The following MYO3A variants were observed in gnomAD, a reference collection of about 807,000 sequenced individuals.
MYO3A encodes myosin IIIA, also known as myosin-IIIa.
MYO3A carries 180 observed loss-of-function variants against 192.7 expected under a neutral mutation model. That is an observed-to-expected ratio of 0.93 (90% CI 0.83 to 1.06). The LOEUF (loss-of-function observed/expected upper bound fraction) is 1.06, where lower values mean the gene tolerates loss of function less well. Among genes scored for constraint, MYO3A ranks in the 50% least tolerant of loss-of-function variants. The probability of loss-of-function intolerance (pLI) is 0.00; values close to 1 mark genes in which losing one functional copy is unlikely to be tolerated. For missense variants in MYO3A, 1,896 were observed against 1,905.0 expected, an observed-to-expected ratio of 1.00 and a Z score of 0.09; for synonymous variants, 628 against 645.3, an observed-to-expected ratio of 0.97 and a Z score of 0.41.
rs1480599647 is a variant in MYO3A, at chr10:26,007,330, G to T, written c.509-9490G>T. Among the ~76,000 whole-genome samples, 21 of 150,742 alleles carry T rather than the reference G, an allele frequency of 1.4e-4. No homozygotes were observed. The South Asian group carries it at 4.4e-3, about 32-fold the overall frequency. ...CCTTTGAAAACCGGCACAAGACAGG[G>T]ATGCCCTCTCTCACCACTCCTATTC... On this transcript the variant is annotated intron_variant, in intron 6 of 34. Transcript: ENST00000642920.
chr10:26,201,476 C>T (rs1444678226), intron 33 of MYO3A, among the ~76,000 whole-genome samples, 171 bp downstream of exon 33: 3 of 151,720 alleles, frequency 2.0e-5, no homozygotes, highest in African/African-American at 4.8e-5. Flanking sequence ...GTCAGGAGAT[C>T]GAGACCATCC....
chr10:26,096,287 A>G, intron 15 of MYO3A, 94 bp from the exon 16 acceptor site: 1 of 907,694 alleles, frequency 1.1e-6, no homozygotes, highest in Non-Finnish European at 1.7e-6. Flanking sequence ...CCATATCAGC[A>G]CTCACAGTCG....
At chr10:26,140,625 C>T (rs1840101394) in intron 20 of MYO3A, among the ~76,000 whole-genome samples, 1 of 150,098 alleles carries the variant, frequency 6.7e-6, no homozygotes, top group Admixed American at 6.7e-5. Context: ...GTGGAAGTTG[C>T]AGTGAGCCGA....
intron 15 of MYO3A, among the ~76,000 whole-genome samples, chr10:26,089,738 A>G (rs965055028): frequency 6.6e-6 from 1 of 152,156 alleles, no homozygotes. Context: ...AATTCATTGT[A>G]TGTATGATTT....
At chr10:25,979,921 C>A (rs1329056125) in intron 4 of MYO3A, among the ~76,000 whole-genome samples, 1 of 152,086 alleles carries the variant, frequency 6.6e-6, no homozygotes, top group Non-Finnish European at 1.5e-5. Flanking sequence ...TAAAATCTCC[C>A]CCAGGCAAAA....
chr10:26,060,951 C>T (rs58595215), intron 10 of MYO3A, among the ~76,000 whole-genome samples: 71,542 of 151,290 alleles, frequency 0.47, 17,714 homozygotes, highest in Middle Eastern at 0.59. Context: ...TTTTTTGAGA[C>T]GGAGTCTCAC....
intron 21 of MYO3A, 131 bp downstream of exon 21, chr10:26,143,732 G>A: frequency 6.2e-6 from 7 of 1,126,750 alleles, no homozygotes; most frequent in Non-Finnish European, 9.1e-6. Context: ...TGACTTTAAA[G>A]AAGAGCCTTT....
chr10:26,054,040 C>G (rs371191743), intron 10 of MYO3A, among the ~76,000 whole-genome samples: 5 of 151,906 alleles, frequency 3.3e-5, no homozygotes, highest in African/African-American at 1.2e-4. Context: ...CAAGAGGGAT[C>G]GAGAAAGCTA....
In MYO3A at chr10:26,212,156, C is replaced by A; in HGVS notation, c.*193C>A. ...TGCTCCGAAACAAGAGACCTGGGAG[C>A]CCTCGGGAAACCTCCCCCGACGCTC... On this transcript the variant is annotated 3_prime_UTR_variant, in exon 35 of 35. Transcript: ENST00000642920. The A allele has an allele frequency of 1.2e-6, 1 of 828,252 alleles. No homozygotes were observed. The highest frequency in any genetic ancestry group is 1.8e-6 in the Non-Finnish European group (1 of 560,342). 51.3% of individuals were successfully genotyped at this position (828,252 alleles called of 1,614,324 possible). A position where few individuals can be genotyped will look rare whatever the true frequency, so the allele number is the denominator to read the frequency against.
chr10:26,113,712 C>T (rs1391634609), intron 17 of MYO3A, among the ~76,000 whole-genome samples: 1 of 152,112 alleles, frequency 6.6e-6, no homozygotes, highest in Non-Finnish European at 1.5e-5. Flanking sequence ...TAATTCTGTG[C>T]TAGGGAGTCA....
At chr10:25,962,851 A>G (rs939944837) in intron 4 of MYO3A, among the ~76,000 whole-genome samples, 1 of 152,198 alleles carries the variant, frequency 6.6e-6, no homozygotes, top group Non-Finnish European at 1.5e-5. Flanking sequence ...CACAAAGGGG[A>G]GAACTGAGAT....
At chr10:25,951,177 G>T (rs756281721) in intron 2 of MYO3A, among the ~76,000 whole-genome samples, 1 of 152,058 alleles carries the variant, frequency 6.6e-6, no homozygotes. Flanking sequence ...CACAATAACG[G>T]TACCAGTGGT....
chr10:25,956,602 C>CT (rs1417006291), intron 4 of MYO3A, among the ~76,000 whole-genome samples: 2 of 151,432 alleles, frequency 1.3e-5, no homozygotes, highest in Non-Finnish European at 2.9e-5. Context: ...TCTCGACCTC[C>CT]TAAAGTGCCT....
At chr10:26,078,948 G>T (rs906251342) in intron 14 of MYO3A, among the ~76,000 whole-genome samples, 1 of 152,276 alleles carries the variant, frequency 6.6e-6, no homozygotes, top group Admixed American at 6.5e-5. Context: ...CTATCTTGGA[G>T]AAAGTTCCAT....
chr10:26,012,850 C>T (rs956606913), intron 6 of MYO3A, among the ~76,000 whole-genome samples: 1 of 151,924 alleles, frequency 6.6e-6, no homozygotes, highest in African/African-American at 2.4e-5. Flanking sequence ...AATCAGGAGG[C>T]ATCACATTAC....
intron 8 of MYO3A, among the ~76,000 whole-genome samples, chr10:26,023,671 T>C (rs1012385784): frequency 2.0e-5 from 3 of 152,166 alleles, no homozygotes; most frequent in Non-Finnish European, 4.4e-5. Context: ...AGAGACTTCA[T>C]TGGGACTCAT....
chr10:26,208,878 C>T lies in MYO3A; in HGVS notation c.4731-2965C>T, dbSNP rs147545670. Reference sequence around the variant, plus strand: ...TATATGTCCAATGGCCTTGCCCTCTCTCCTTCAATTATATTCAACTGGCAA... The same window carrying T: ...TATATGTCCAATGGCCTTGCCCTCTTTCCTTCAATTATATTCAACTGGCAA... On this transcript the variant is annotated intron_variant, in intron 34 of 34. Transcript: ENST00000642920. 6.6e-5 allele frequency among the ~76,000 whole-genome samples: 10 copies of T among 152,304 alleles called. No individual in the cohort carries two copies. The Middle Eastern group carries it at 0.014, about 207-fold the overall frequency.
At chr10:26,183,328 T>C (rs1264307504) in intron 31 of MYO3A, among the ~76,000 whole-genome samples, 2 of 152,174 alleles carry the variant, frequency 1.3e-5, no homozygotes, top group Middle Eastern at 3.4e-3. Context: ...ATCGAGACCA[T>C]CCTGGCTAAC....
At position 26,034,299 on chromosome 10, in the gene MYO3A, A is replaced by G. The variant is rs79283922; in HGVS notation, c.953+7767A>G. Among the ~76,000 whole-genome samples, 486 of 152,334 alleles carry G rather than the reference A, an allele frequency of 3.2e-3. 3 individuals carry two copies. The highest frequency in any genetic ancestry group is 0.011 in the African/African-American group (470 of 41,574). ...CTTAATTGGGTCTTGTCCTTTTGCCATCTTCCATTACACAAGAGTGGGTGC... is the reference window on the plus strand; with the variant it reads ...CTTAATTGGGTCTTGTCCTTTTGCCGTCTTCCATTACACAAGAGTGGGTGC... On this transcript the variant is annotated intron_variant, in intron 10 of 34. Coordinates refer to ENST00000642920, the MANE Select transcript of MYO3A (RefSeq NM_017433.5).
Sources: allele counts gnomAD v4.1 joint callset (sites outside exome capture counted in the v4.1 genomes callset), GRCh38; gene constraint gnomAD v4.1.1; transcripts MANE v1.5; gene names NCBI Gene and HGNC (gene_info 2026-07-23, HGNC 2026-07-21).